SPEN: variants seen among roughly 807,000 people sequenced by gnomAD.
SPEN encodes the protein msx2-interacting protein.
Under a neutral mutation model 269.9 loss-of-function variants are expected in SPEN, and 18 were observed. The ratio of observed to expected loss-of-function variants is 0.07; its 90% CI spans 0.05 to 0.10. The LOEUF (loss-of-function observed/expected upper bound fraction) is 0.10, where lower values mean the gene tolerates loss of function less well. SPEN is among the 10% of genes least tolerant of loss of function. The probability of loss-of-function intolerance (pLI) is 1.00; values close to 1 mark genes in which losing one functional copy is unlikely to be tolerated. For synonymous variants in SPEN, 1,726 were observed against 1,765.7 expected, an observed-to-expected ratio of 0.98 and a Z score of 0.56; for missense variants, 3,822 against 4,631.2, an observed-to-expected ratio of 0.83 and a Z score of 5.07.
chr1:15,872,744 CA>C (rs1281924434), intron 1 of SPEN, 71 bp from the exon 2 acceptor site: 28 of 1,324,848 alleles, frequency 2.1e-5, no homozygotes, highest in South Asian at 1.2e-4. Context: ...GCAAATTGTC[CA>C]AAAAAAATCT....
At chr1:15,897,377 T>C (rs1268641390) in intron 3 of SPEN, among the ~76,000 whole-genome samples, 1 of 151,388 alleles carries the variant, frequency 6.6e-6, no homozygotes, top group African/African-American at 2.4e-5. Context: ...TTTTTTTTTT[T>C]TTGAGACGGA....
intron 5 of SPEN, among the ~76,000 whole-genome samples, chr1:15,913,808 G>A (rs2071032842): frequency 6.6e-6 from 1 of 151,926 alleles, no homozygotes; most frequent in African/African-American, 2.4e-5. Context: ...AGTAAGCTAT[G>A]ATCCCACCAC....
At chr1:15,893,407 G>A (rs905695900) in intron 3 of SPEN, among the ~76,000 whole-genome samples, 3 of 152,164 alleles carry the variant, frequency 2.0e-5, no homozygotes, top group Non-Finnish European at 4.4e-5. Context: ...CTGTAGCTTT[G>A]TATCTGTCAC....
Position 15,848,918 on chromosome 1 carries a change from C to T in SPEN, c.83+768C>T, listed in dbSNP as rs1040588542. Among the ~76,000 whole-genome samples the T allele has an allele frequency of 2.0e-5, 3 of 152,032 alleles. No homozygotes were observed. Among genetic ancestry groups the T allele is most frequent in the African/African-American group, 4.8e-5 (2 of 41,386 alleles). On this transcript the variant is annotated intron_variant, in intron 1 of 14. Coordinates refer to ENST00000375759, the MANE Select transcript of SPEN (RefSeq NM_015001.3). This position sits in a 1 kb window ranked among gnomAD's most constrained non-coding sequence, Gnocchi z 5.1. ...CCCAGGCCGCCCTAAGACCCTGGTGCCCCCCACCCCTGAATTCCCGAATCA... is the reference window on the plus strand; with the variant it reads ...CCCAGGCCGCCCTAAGACCCTGGTGTCCCCCACCCCTGAATTCCCGAATCA...
chr1:15,935,877 G>A lies in SPEN; in HGVS notation c.9637G>A (p.Ala3213Thr), dbSNP rs760187317. Reference protein sequence around the residue: ...VTAVSEQPRAADGVVKVPPAS... With the variant: ...VTAVSEQPRATDGVVKVPPAS... ...GGCAGTCAGCGAGCAGCCCAGGGCCGCGGATGGGGTGGTGAAGGTGCCACC... is the reference window on the plus strand; with the variant it reads ...GGCAGTCAGCGAGCAGCCCAGGGCCACGGATGGGGTGGTGAAGGTGCCACC... The change falls in exon 11 of 15, where the codon GCG becomes ACG. Residue 3213 changes from alanine to threonine, a missense_variant. Physicochemically the swap from Ala to Thr is moderately conservative, Grantham distance 58. Transcript: ENST00000375759. The surrounding 1 kb of genome is among the most constrained non-coding windows in gnomAD (Gnocchi z 7.7). 1.8e-5 allele frequency: 29 copies of A among 1,613,368 alleles called. No individual in the cohort carries two copies. The highest frequency in any genetic ancestry group is 2.0e-5 in the Non-Finnish European group (24 of 1,179,976).
chr1:15,910,515 T>A (rs1449519983), intron 4 of SPEN, among the ~76,000 whole-genome samples: 1 of 152,082 alleles, frequency 6.6e-6, no homozygotes, highest in Non-Finnish European at 1.5e-5. Context: ...TACCCCAAAG[T>A]AGAAGGAATA....
At chr1:15,869,308 G>T (rs2070549545) in intron 1 of SPEN, among the ~76,000 whole-genome samples, 1 of 151,782 alleles carries the variant, frequency 6.6e-6, no homozygotes, top group African/African-American at 2.4e-5. Context: ...GCCTGCCTTG[G>T]CCCTCCCAAA....
At chr1:15,860,304 C>T (rs2070431828) in intron 1 of SPEN, among the ~76,000 whole-genome samples, 1 of 151,386 alleles carries the variant, frequency 6.6e-6, no homozygotes, top group African/African-American at 2.4e-5. Context: ...TGGTATAATC[C>T]CAGCTCACTG....
chr1:15,860,376 GA>G, intron 1 of SPEN, among the ~76,000 whole-genome samples: 2 of 119,562 alleles, frequency 1.7e-5, no homozygotes. Context: ...AGTAGCTTCA[GA>G]GGTGTGTGTG....
At chr1:15,879,882 G>A (rs1048668339) in intron 3 of SPEN, among the ~76,000 whole-genome samples, 1 of 152,080 alleles carries the variant, frequency 6.6e-6, no homozygotes, top group Non-Finnish European at 1.5e-5. Flanking sequence ...GTGTTAGCCA[G>A]GATGGTCTTG....
At chr1:15,882,930 T>C (rs1052601131) in intron 3 of SPEN, among the ~76,000 whole-genome samples, 1 of 152,038 alleles carries the variant, frequency 6.6e-6, no homozygotes, top group Non-Finnish European at 1.5e-5. Context: ...TCCAACCAAG[T>C]CTGAGTCATG....
intron 11 of SPEN, 59 bp downstream of exon 11, chr1:15,936,325 G>A: frequency 1.3e-6 from 2 of 1,488,224 alleles, no homozygotes; most frequent in South Asian, 2.8e-5. Context: ...GGGCTCAGCA[G>A]GCTTTTAAGC....
At chr1:15,908,832 G>A (rs2070985801) in intron 3 of SPEN, among the ~76,000 whole-genome samples, 1 of 152,086 alleles carries the variant, frequency 6.6e-6, no homozygotes, top group Non-Finnish European at 1.5e-5. Flanking sequence ...TTTTCATTTA[G>A]TTTCATTATG....
At chr1:15,881,260 C>A (rs1003147575) in intron 3 of SPEN, among the ~76,000 whole-genome samples, 7 of 152,182 alleles carry the variant, frequency 4.6e-5, no homozygotes, top group African/African-American at 1.7e-4. Context: ...TGAGCCATCA[C>A]GCCCAACTTT....
At position 15,933,003 on chromosome 1, in the gene SPEN, G is replaced by T; in HGVS notation, c.6763G>T (p.Ala2255Ser). ...TDLQPPAGAQ[A>S]LQPSEEGMET... Reference sequence around the variant, plus strand: ...TCTGCAACCCCCCGCAGGTGCACAGGCGCTGCAGCCTTCTGAGGAAGGAAT... The same window carrying T: ...TCTGCAACCCCCCGCAGGTGCACAGTCGCTGCAGCCTTCTGAGGAAGGAAT... Residue 2255 changes from alanine to serine, a missense_variant, in exon 11 of 15, where the codon GCG (alanine) becomes TCG (serine). By Grantham distance (99) the Ala-to-Ser change is moderately conservative. Coordinates refer to ENST00000375759, the MANE Select transcript of SPEN (RefSeq NM_015001.3). The surrounding 1 kb of genome is among the most constrained non-coding windows in gnomAD (Gnocchi z 5.7). 2 of 1,614,154 alleles carry T rather than the reference G, an allele frequency of 1.2e-6. No individual in the cohort carries two copies. The highest frequency in any genetic ancestry group is 1.7e-6 in the Non-Finnish European group (2 of 1,179,996).
In SPEN at chr1:15,928,910, C is replaced by G. The variant is rs2071194613; in HGVS notation, c.2670C>G (p.Val890=). ...GAGTGAAAGAGAAAGAGGGAAAGGT[C>G]ATTGACCACACTCCTGTGGAAAAGT... The part of the protein sequence containing the change: ...LTRVKEKEGK[V]IDHTPVEKLK... The change falls in exon 11 of 15, where the codon GTC becomes GTG. Residue 890 remains valine (V), a synonymous_variant. Transcript: ENST00000375759. The surrounding 1 kb of genome is among the most constrained non-coding windows in gnomAD (Gnocchi z 5.7). 6.8e-6 allele frequency: 11 copies of G among 1,614,200 alleles called. No individual in the cohort carries two copies. The highest frequency in any genetic ancestry group is 9.3e-6 in the Non-Finnish European group (11 of 1,180,038).
intron 1 of SPEN, among the ~76,000 whole-genome samples, chr1:15,862,567 G>A (rs566425651): frequency 3.3e-5 from 5 of 152,120 alleles, no homozygotes; most frequent in African/African-American, 9.6e-5. Context: ...CAGAAACTTT[G>A]GAATTTTTCT....
intron 3 of SPEN, among the ~76,000 whole-genome samples, chr1:15,883,515 G>C (rs565357264): frequency 2.6e-5 from 4 of 151,518 alleles, no homozygotes; most frequent in Admixed American, 1.3e-4. Flanking sequence ...TCCACCTCCC[G>C]GGTGGAGCAA....
chr1:15,935,597 T>G lies in SPEN; in HGVS notation c.9357T>G (p.Ser3119=). The change falls in exon 11 of 15, where the codon TCT becomes TCG. Residue 3119 remains serine (S), a synonymous_variant. Transcript: ENST00000375759. The surrounding 1 kb of genome is among the most constrained non-coding windows in gnomAD (Gnocchi z 7.7). ...TYSIRPEALH[S]PRAPLQPQQI... ...GCATCCGGCCAGAAGCGCTTCACTCTCCTCGGGCTCCGCTGCAGCCCCAGC... is the reference window on the plus strand; with the variant it reads ...GCATCCGGCCAGAAGCGCTTCACTCGCCTCGGGCTCCGCTGCAGCCCCAGC... 1 of 1,613,782 alleles carries G rather than the reference T, an allele frequency of 6.2e-7. No individual in the cohort carries two copies. Among genetic ancestry groups the G allele is most frequent in the East Asian group, 2.2e-5 (1 of 44,612 alleles).
Sources: allele counts gnomAD v4.1 joint callset (sites outside exome capture counted in the v4.1 genomes callset), GRCh38; gene constraint gnomAD v4.1.1; non-coding constraint Gnocchi (gnomAD v3.1); transcripts MANE v1.5; gene names NCBI Gene and HGNC (gene_info 2026-07-23, HGNC 2026-07-21).